LRP1B: variants seen among roughly 807,000 people sequenced by gnomAD.
LRP1B encodes LDL receptor related protein 1B, also known as low-density lipoprotein receptor-related protein 1B.
Under a neutral mutation model 556.6 loss-of-function variants are expected in LRP1B, and 217 were observed. The observed-to-expected ratio is 0.39, with a 90% CI of 0.35 to 0.44. The LOEUF (loss-of-function observed/expected upper bound fraction) is 0.44. Among genes scored for constraint, LRP1B ranks in the 20% least tolerant of loss-of-function variants. The pLI is 1.00. For synonymous variants in LRP1B, 2,047 were observed against 1,865.8 expected (o/e 1.10, Z -2.50); for missense variants, 5,053 against 5,620.8 (o/e 0.90, Z 3.23).
At chr2:141,441,333 C>T (rs1012297611) in intron 3 of LRP1B, among the ~76,000 whole-genome samples, 24 of 152,224 alleles carry the variant, frequency 1.6e-4, no homozygotes, top group African/African-American at 5.5e-4. Flanking sequence ...CCATCTCGGC[C>T]TCCCAAAGTG....
intron 7 of LRP1B, among the ~76,000 whole-genome samples, chr2:141,134,781 A>G (rs1701449652): frequency 6.6e-6 from 1 of 151,416 alleles, no homozygotes; most frequent in Admixed American, 6.6e-5. Flanking sequence ...TATATCATGG[A>G]TAAGCTTCTG....
At position 140,525,868 on chromosome 2, in the gene LRP1B, A is replaced by T. The variant is rs750626789; in HGVS notation, c.8002T>A (p.Tyr2668Asn). The change falls in exon 49 of 91, where the codon TAT (tyrosine) becomes AAT (asparagine). Residue 2668 changes from tyrosine (Y) to asparagine (N), a missense_variant. Transcript: ENST00000389484. Reference protein sequence around the residue: ...ICDGSNDCGDYSDELKCPVQN... With the variant: ...ICDGSNDCGDNSDELKCPVQN... ...CCTGGGCACTTTAATTCATCTGAAT[A>T]GTCTCCACAGTCATTAGACCCGTCG... 1 of 1,612,070 alleles carries T rather than the reference A, an allele frequency of 6.2e-7. No individual in the cohort carries two copies. Among genetic ancestry groups the T allele is most frequent in the East Asian group, 2.2e-5 (1 of 44,836 alleles).
intron 23 of LRP1B, chr2:140,898,712 G>T: frequency 2.0e-6 from 1 of 510,304 alleles, no homozygotes; most frequent in Non-Finnish European, 3.9e-6. Flanking sequence ...GCAGTCACCT[G>T]AGAGAGCTGC....
chr2:141,074,594 T>C (rs1473442253), intron 7 of LRP1B, among the ~76,000 whole-genome samples: 1 of 132,342 alleles, frequency 7.6e-6, no homozygotes, highest in East Asian at 2.3e-4. Flanking sequence ...TCTCTCTATA[T>C]ATATATATAT....
In LRP1B at chr2:141,467,843, G is replaced by GAA. The variant is rs761721055; in HGVS notation, c.343+12552_343+12553insTT. 4.5e-5 allele frequency among the ~76,000 whole-genome samples: 6 copies of GAA among 133,302 alleles called. No individual in the cohort carries two copies. The East Asian group carries it at 1.2e-3, about 27-fold the overall frequency. The allele number at this position is 133,302 out of a possible 152,430, so 87.5% of individuals were successfully genotyped here. On this transcript the variant is annotated intron_variant, in intron 3 of 90. Coordinates refer to ENST00000389484, the MANE Select transcript of LRP1B (RefSeq NM_018557.3). ...TTTGTTTGTTTGTTTGCGGACCGGGGGGGGGGGAATTCCAGCATACAGTGT... is the reference window on the plus strand; with the variant it reads ...TTTGTTTGTTTGTTTGCGGACCGGGGAAGGGGGGGAATTCCAGCATACAGTGT...
chr2:141,513,005 A>G (rs559740349), intron 2 of LRP1B, among the ~76,000 whole-genome samples: 3 of 152,158 alleles, frequency 2.0e-5, no homozygotes, highest in Non-Finnish European at 2.9e-5. Context: ...AATATTTGGG[A>G]TAACATAAAT....
At chr2:141,194,272 C>T in intron 6 of LRP1B, among the ~76,000 whole-genome samples, 1 of 152,070 alleles carries the variant, frequency 6.6e-6, no homozygotes, top group Non-Finnish European at 1.5e-5. Context: ...AAATTATACA[C>T]TGGCAATTGT....
intron 1 of LRP1B, among the ~76,000 whole-genome samples, chr2:142,080,529 A>ATAAAT (rs34251324): frequency 7.2e-5 from 11 of 152,152 alleles, no homozygotes; most frequent in East Asian, 1.9e-4. Context: ...GTTTGTAAAA[A>ATAAAT]AAATAAATAA....
chr2:140,750,077 C>T (rs921122089), intron 35 of LRP1B, among the ~76,000 whole-genome samples: 5 of 102,896 alleles, frequency 4.9e-5, no homozygotes, highest in East Asian at 3.4e-4. Flanking sequence ...ACTGTGCACA[C>T]GTACACACAC....
intron 11 of LRP1B, among the ~76,000 whole-genome samples, chr2:141,032,291 T>C (rs2105416373): frequency 6.6e-6 from 1 of 152,254 alleles, no homozygotes; most frequent in African/African-American, 2.4e-5. Context: ...GGACTTTATA[T>C]TGTTTCCAAT....
At chr2:140,404,538 G>A (rs1684651123) in intron 66 of LRP1B, among the ~76,000 whole-genome samples, 1 of 151,940 alleles carries the variant, frequency 6.6e-6, no homozygotes, top group South Asian at 2.1e-4. Context: ...AAAGTATCTA[G>A]GTAATGACTG....
intron 18 of LRP1B, among the ~76,000 whole-genome samples, chr2:140,964,362 A>G (rs1187058208): frequency 6.6e-6 from 1 of 152,118 alleles, no homozygotes; most frequent in Non-Finnish European, 1.5e-5. Context: ...CAGGCCCTCC[A>G]CAAGAGGTGG....
intron 86 of LRP1B, among the ~76,000 whole-genome samples, chr2:140,261,674 T>G (rs2104927556): frequency 6.6e-6 from 1 of 151,978 alleles, no homozygotes; most frequent in African/African-American, 2.4e-5. Flanking sequence ...TAAAAGCATT[T>G]AATTATACAA....
At chr2:141,124,751 T>C (rs988579695) in intron 7 of LRP1B, among the ~76,000 whole-genome samples, 2 of 152,052 alleles carry the variant, frequency 1.3e-5, no homozygotes, top group African/African-American at 4.8e-5. Context: ...TCAGCCAATT[T>C]TTCATATTTT....
chr2:140,358,964 AAAAC>A lies in LRP1B; in HGVS notation c.11132-22_11132-19del, dbSNP rs958815755. 1 of 1,602,342 alleles carries A rather than the reference AAAAC, an allele frequency of 6.2e-7. No homozygotes were observed. The highest frequency in any genetic ancestry group is 1.3e-5 in the African/African-American group (1 of 74,366). ...AAATTTGACTGAAGAAAAAGAAGAA[AAAAC>A]AAAGAAGCTCCTTCGAGTACATTGC... is the stretch of plus-strand genomic sequence containing the variant. On this transcript the variant is annotated intron_variant, in intron 72 of 90. Transcript: ENST00000389484.
chr2:141,580,847 A>G (rs956695345), intron 2 of LRP1B, among the ~76,000 whole-genome samples: 4 of 152,340 alleles, frequency 2.6e-5, no homozygotes, highest in South Asian at 2.1e-4. Flanking sequence ...CAAGATCTCA[A>G]TGATGCTTAT....
intron 6 of LRP1B, 73 bp from the exon 7 acceptor site, chr2:141,188,656 G>T: frequency 7.4e-7 from 1 of 1,342,354 alleles, no homozygotes; most frequent in Non-Finnish European, 1.0e-6. Context: ...TAACATAAGT[G>T]TTTCCAAACC....
intron 2 of LRP1B, among the ~76,000 whole-genome samples, chr2:141,675,485 T>G (rs1338221410): frequency 6.6e-6 from 1 of 151,120 alleles, no homozygotes; most frequent in Non-Finnish European, 1.5e-5. Flanking sequence ...ATTTTAATAA[T>G]CTTGATCACC....
chr2:141,996,941 T>C (rs1191640254), intron 1 of LRP1B, among the ~76,000 whole-genome samples: 3 of 152,214 alleles, frequency 2.0e-5, no homozygotes, highest in Non-Finnish European at 4.4e-5. Context: ...GGCCAGCTTG[T>C]ATTCAATGTA....
Sources: allele counts gnomAD v4.1 joint callset (sites outside exome capture counted in the v4.1 genomes callset), GRCh38; gene constraint gnomAD v4.1.1; transcripts MANE v1.5; gene names NCBI Gene and HGNC (gene_info 2026-07-23, HGNC 2026-07-21).